The following TLL1 variants were observed in gnomAD, a reference collection of about 807,000 sequenced individuals.
TLL1 encodes the protein tolloid-like protein 1.
TLL1 carries 49 observed loss-of-function variants against 128.2 expected under a neutral mutation model. The observed-to-expected ratio is 0.38, with a 90% confidence interval of 0.30 to 0.48. TLL1 has a LOEUF of 0.48. TLL1 is among the 20% of genes least tolerant of loss of function. The pLI, the probability that TLL1 is intolerant of heterozygous loss-of-function variation, is 0.96. For synonymous variants in TLL1, 454 were observed against 418.8 expected, an observed-to-expected ratio of 1.08 and a Z score of -1.03; for missense variants, 1,123 against 1,242.0, an observed-to-expected ratio of 0.90 and a Z score of 1.44.
chr4:166,066,709 T>C (rs1740590577), intron 16 of TLL1, among the ~76,000 whole-genome samples: 1 of 151,738 alleles, frequency 6.6e-6, no homozygotes, highest in Non-Finnish European at 1.5e-5. Flanking sequence ...TTCAGTATAA[T>C]TGAAGTTAAT....
chr4:165,892,037 G>T (rs749810795), intron 1 of TLL1, among the ~76,000 whole-genome samples: 47 of 152,332 alleles, frequency 3.1e-4, no homozygotes, highest in Middle Eastern at 3.4e-3. Flanking sequence ...CTACAATCAC[G>T]GTGGAATGGG....
In TLL1 at chr4:165,924,846, C is replaced by T. The variant is rs182777034; in HGVS notation, c.169+50773C>T. On this transcript the variant is annotated intron_variant, in intron 1 of 20. Transcript: ENST00000061240. ...GCTAATGACTTTAAGTTAAAGCCAA[C>T]GCTTATTTACCATTCTGAAAATTCT... Among the ~76,000 whole-genome samples the T allele has an allele frequency of 3.4e-3, 510 of 152,196 alleles. 1 individual carries two copies. Among genetic ancestry groups the T allele is most frequent in the African/African-American group, 0.011 (467 of 41,544 alleles).
At chr4:165,968,289 T>C (rs1015479599) in intron 1 of TLL1, among the ~76,000 whole-genome samples, 5 of 152,182 alleles carry the variant, frequency 3.3e-5, no homozygotes, top group Non-Finnish European at 7.3e-5. Context: ...TGAAGAACTA[T>C]TACATTAGTA....
chr4:166,047,174 T>A (rs1739492732), intron 12 of TLL1, among the ~76,000 whole-genome samples: 1 of 151,994 alleles, frequency 6.6e-6, no homozygotes. Flanking sequence ...ATTATTCTTT[T>A]TTTTTTGAGA....
chr4:165,995,107 G>A lies in TLL1; in HGVS notation c.561G>A (p.Lys187=). The stretch of plus-strand genomic sequence containing the variant: ...AGCAGGCCATGAGGCACTGGGAAAA[G>A]CACACATGTGTGACTTTCATAGAAA... ...MFKQAMRHWE[K]HTCVTFIERS... is the part of the protein sequence containing the mutation. Residue 187 remains lysine (K), a synonymous_variant, in exon 5 of 21, where the codon AAG becomes AAA. Coordinates refer to ENST00000061240, the MANE Select transcript of TLL1 (RefSeq NM_012464.5). 6.2e-7 allele frequency: 1 copy of A among 1,613,968 alleles called. No individual in the cohort carries two copies. The highest frequency in any genetic ancestry group is 8.5e-7 in the Non-Finnish European group (1 of 1,179,938).
intron 1 of TLL1, among the ~76,000 whole-genome samples, chr4:165,908,028 G>A (rs1363322384): frequency 5.9e-5 from 9 of 152,122 alleles, no homozygotes; most frequent in African/African-American, 2.2e-4. Flanking sequence ...TGTGAGCTGG[G>A]TTTTGAGTAG....
intron 1 of TLL1, among the ~76,000 whole-genome samples, chr4:165,976,113 G>A (rs891505937): frequency 6.7e-6 from 1 of 148,816 alleles, no homozygotes; most frequent in Non-Finnish European, 1.5e-5. Flanking sequence ...TTATGGTTTG[G>A]ATTCTAGCAT....
At chr4:166,043,107 T>TA (rs398108271) in intron 11 of TLL1, among the ~76,000 whole-genome samples, 167 bp from the exon 12 acceptor site, 14 of 152,124 alleles carry the variant, frequency 9.2e-5, no homozygotes, top group Admixed American at 2.6e-4. Context: ...AGGTTTTTTT[T>TA]ACCACATAAA....
rs141503342 is a variant in TLL1, at chr4:165,926,739, G to T, written c.169+52666G>T. Among the ~76,000 whole-genome samples, 452 of 152,170 alleles carry T rather than the reference G, an allele frequency of 3.0e-3. 4 individuals carry two copies. The highest frequency in any genetic ancestry group is 8.2e-3 in the African/African-American group (339 of 41,528). On this transcript the variant is annotated intron_variant, in intron 1 of 20. Coordinates refer to ENST00000061240, the MANE Select transcript of TLL1 (RefSeq NM_012464.5). ...CCCAGTGGTGCCGTACCAAAGTCAG[G>T]AGCTAGAAGCCAGACTCCAAGAATT...
intron 1 of TLL1, among the ~76,000 whole-genome samples, chr4:165,892,124 A>C (rs1731448944): frequency 6.6e-6 from 1 of 152,204 alleles, no homozygotes; most frequent in Non-Finnish European, 1.5e-5. Flanking sequence ...CCCTTGTAAA[A>C]CTATCACAGC....
chr4:165,994,679 T>A, intron 4 of TLL1, 146 bp downstream of exon 4: 1 of 926,086 alleles, frequency 1.1e-6, no homozygotes, highest in African/African-American at 1.7e-5. Context: ...GTTATTAGTG[T>A]AGAGTGTCTT....
chr4:165,874,097 C>T, intron 1 of TLL1, 24 bp downstream of exon 1: 3 of 1,613,736 alleles, frequency 1.9e-6, no homozygotes, highest in South Asian at 2.2e-5. Flanking sequence ...CAGGTTGGGA[C>T]GGTGGCGCGC....
intron 12 of TLL1, among the ~76,000 whole-genome samples, chr4:166,048,571 A>G (rs994767729): frequency 6.6e-6 from 1 of 152,200 alleles, no homozygotes; most frequent in Admixed American, 6.5e-5. Flanking sequence ...CTTGTTCTCT[A>G]TTTAGCAGCA....
intron 9 of TLL1, among the ~76,000 whole-genome samples, chr4:166,031,271 A>C (rs1738755129): frequency 6.6e-6 from 1 of 151,876 alleles, no homozygotes; most frequent in Non-Finnish European, 1.5e-5. Flanking sequence ...TGTACGGCTT[A>C]TTATATGAAT....
In TLL1 at chr4:166,072,434, T is replaced by A. The variant is rs540939938; in HGVS notation, c.2189-2444T>A. Among the ~76,000 whole-genome samples, 214 of 152,006 alleles carry A rather than the reference T, an allele frequency of 1.4e-3. 1 individual carries two copies. Among genetic ancestry groups the A allele is most frequent in the Non-Finnish European group, 2.5e-3 (169 of 67,894 alleles). On this transcript the variant is annotated intron_variant, in intron 16 of 20. Transcript: ENST00000061240. ...CTTTTGCTCCTCTTCCTCCTCTGCT[T>A]TCTCTTCTTCCAAAAATTATTCTGA...
rs79864665 is a variant in TLL1, at chr4:165,960,517, A to C, written c.170-28864A>C. 5.2e-3 allele frequency among the ~76,000 whole-genome samples: 790 copies of C among 152,212 alleles called. 12 individuals are homozygous for C. Among genetic ancestry groups the C allele is most frequent in the African/African-American group, 0.018 (734 of 41,554 alleles). Reference sequence around the variant, plus strand: ...CTGGCAGAGACACAACGAAAAAAGAAGACTTCAAGCCAATATTCCTGATGA... The same window carrying C: ...CTGGCAGAGACACAACGAAAAAAGACGACTTCAAGCCAATATTCCTGATGA... On this transcript the variant is annotated intron_variant, in intron 1 of 20. Coordinates refer to ENST00000061240, the MANE Select transcript of TLL1 (RefSeq NM_012464.5).
intron 9 of TLL1, among the ~76,000 whole-genome samples, chr4:166,028,139 C>G (rs577966242): frequency 1.3e-5 from 2 of 151,974 alleles, no homozygotes; most frequent in South Asian, 4.1e-4. Flanking sequence ...GAATTTAACT[C>G]ATTAATTTCA....
chr4:165,966,176 TCAAAA>T (rs1735361673), intron 1 of TLL1, among the ~76,000 whole-genome samples: 1 of 17,200 alleles, frequency 5.8e-5, no homozygotes. Context: ...AGACTCCATC[TCAAAA>T]AAAAAAAAAA....
chr4:165,989,324 G>T (rs1579588473), intron 1 of TLL1, 57 bp from the exon 2 acceptor site: 1 of 1,232,858 alleles, frequency 8.1e-7, no homozygotes. Flanking sequence ...AATTAGCTTT[G>T]TGTGTATTGA....
Sources: gnomAD v4.1 joint callset for allele counts (sites outside exome capture counted in the v4.1 genomes callset) on GRCh38, gnomAD v4.1.1 for gene constraint, MANE v1.5 for transcripts, NCBI Gene and HGNC (gene_info 2026-07-23, HGNC 2026-07-21) for gene names.